The following IPO8 variants were observed in gnomAD, a reference collection of about 807,000 sequenced individuals.
IPO8 encodes importin 8, also known as importin-8.
A neutral mutation model predicts 141.2 loss-of-function variants in IPO8; 65 were observed. That is an observed-to-expected ratio of 0.46 (90% CI 0.38 to 0.57). The LOEUF (loss-of-function observed/expected upper bound fraction) is 0.57, where lower values mean the gene tolerates loss of function less well. Among genes scored for constraint, IPO8 ranks in the 20% least tolerant of loss-of-function variants. The pLI is 0.00. For synonymous variants in IPO8, 411 were observed against 420.3 expected (o/e 0.98, Z 0.27); for missense variants, 980 against 1,246.8 (o/e 0.79, Z 3.22).
At chr12:30,667,270 G>C (rs544845155) in intron 10 of IPO8, among the ~76,000 whole-genome samples, 1 of 152,228 alleles carries the variant, frequency 6.6e-6, no homozygotes, top group South Asian at 2.1e-4. Flanking sequence ...TCACCCGTTT[G>C]ACAGCTGAAA....
intron 1 of IPO8, among the ~76,000 whole-genome samples, chr12:30,693,450 T>C (rs1297277833): frequency 6.6e-6 from 1 of 152,176 alleles, no homozygotes; most frequent in Non-Finnish European, 1.5e-5. Context: ...TAAACGGCAA[T>C]TGACAGATCC....
chr12:30,649,318 T>C, intron 19 of IPO8, 86 bp from the exon 20 acceptor site: 1 of 893,206 alleles, frequency 1.1e-6, no homozygotes. Flanking sequence ...CCATATAAAT[T>C]CAGCCATAGG....
intron 1 of IPO8, among the ~76,000 whole-genome samples, chr12:30,693,733 T>C (rs2053312291): frequency 6.6e-6 from 1 of 152,228 alleles, no homozygotes; most frequent in African/African-American, 2.4e-5. Context: ...ATGCTTTATA[T>C]AAATTATAAA....
chr12:30,653,586 A>T (rs1474594355), intron 17 of IPO8, among the ~76,000 whole-genome samples: 1 of 152,082 alleles, frequency 6.6e-6, no homozygotes, highest in African/African-American at 2.4e-5. Context: ...AACTTGTAAA[A>T]CGTACAGTAT....
chr12:30,687,974 G>A (rs1368832116), intron 2 of IPO8, among the ~76,000 whole-genome samples: 3 of 151,986 alleles, frequency 2.0e-5, no homozygotes, highest in Admixed American at 6.6e-5. Flanking sequence ...GACCTCTTCA[G>A]GTCTAATACC....
At chr12:30,634,597 T>A (rs1044295200) in intron 22 of IPO8, among the ~76,000 whole-genome samples, 13 of 152,206 alleles carry the variant, frequency 8.5e-5, no homozygotes, top group African/African-American at 2.9e-4. Context: ...GCTATGCAAG[T>A]TCATTAATAC....
At chr12:30,652,093 GA>G in intron 19 of IPO8, 98 bp downstream of exon 19, 1 of 637,034 alleles carries the variant, frequency 1.6e-6, no homozygotes, top group Non-Finnish European at 2.8e-6. Flanking sequence ...AGATAATGCA[GA>G]ACTAAATGTG....
rs188305230 is a variant in IPO8 at position 30,642,788 on chromosome 12, T to C, written c.2269-3053A>G. ...AGACATCTATAAGATAAGCCTGGAA[T>C]ATCTAGTCGTACCAAGACAGCAAGG... On this transcript the variant is annotated intron_variant, in intron 20 of 24. Transcript: ENST00000256079. Among the ~76,000 whole-genome samples the C allele has an allele frequency of 2.7e-3, 405 of 152,194 alleles. 1 individual carries two copies. The highest frequency in any genetic ancestry group is 9.2e-3 in the African/African-American group (384 of 41,538).
chr12:30,657,381 AAG>A (rs1195854387), intron 16 of IPO8, among the ~76,000 whole-genome samples: 5 of 152,200 alleles, frequency 3.3e-5, no homozygotes, highest in African/African-American at 1.2e-4. Context: ...TTCACCTATT[AAG>A]ACTGGAAATG....
At position 30,652,186 on chromosome 12, in the gene IPO8, G is replaced by C; in HGVS notation, c.2172+6C>G. ...CCACTGAAACAATAGATTAGGTCAT[G>C]CTTACCTTCCTACACATTGTAAAAA... is the stretch of plus-strand genomic sequence containing the variant. On this transcript the variant is annotated splice_donor_region_variant and intron_variant, in intron 19 of 24. Transcript: ENST00000256079. The C allele has an allele frequency of 1.3e-6, 2 of 1,501,084 alleles. No homozygotes were observed. Among genetic ancestry groups the C allele is most frequent in the South Asian group, 2.3e-5 (2 of 87,752 alleles). The allele number at this position is 1,501,084 out of a possible 1,614,324, so 93.0% of individuals were successfully genotyped here.
At chr12:30,647,825 G>A (rs1293731147) in intron 20 of IPO8, among the ~76,000 whole-genome samples, 1 of 151,964 alleles carries the variant, frequency 6.6e-6, no homozygotes, top group Non-Finnish European at 1.5e-5. Context: ...ATGAGCAAAT[G>A]ATCCGATTAG....
intron 17 of IPO8, among the ~76,000 whole-genome samples, chr12:30,653,588 G>A (rs2052757308): frequency 6.6e-6 from 1 of 151,868 alleles, no homozygotes; most frequent in African/African-American, 2.4e-5. Flanking sequence ...CTTGTAAAAC[G>A]TACAGTATTC....
intron 21 of IPO8, among the ~76,000 whole-genome samples, chr12:30,638,412 G>A (rs954802823): frequency 3.3e-5 from 5 of 152,144 alleles, no homozygotes; most frequent in Admixed American, 2.6e-4. Flanking sequence ...CATTCCTAAC[G>A]CCCCACCCTA....
intron 16 of IPO8, among the ~76,000 whole-genome samples, chr12:30,658,245 G>A (rs4931358): frequency 3.3e-5 from 5 of 152,094 alleles, no homozygotes; most frequent in Non-Finnish European, 5.9e-5. Context: ...TCACAATTTT[G>A]TGTTTCATAC....
At chr12:30,690,319 TA>T (rs1157913518) in intron 2 of IPO8, among the ~76,000 whole-genome samples, 176 bp downstream of exon 2, 2 of 152,222 alleles carry the variant, frequency 1.3e-5, no homozygotes, top group East Asian at 3.8e-4. Context: ...GAGAGCTCAG[TA>T]TCTACCTCTA....
intron 20 of IPO8, among the ~76,000 whole-genome samples, chr12:30,641,425 T>C (rs2052572247): frequency 6.6e-6 from 1 of 151,928 alleles, no homozygotes; most frequent in Admixed American, 6.6e-5. Flanking sequence ...ATATACCTTG[T>C]CTTATAAATT....
In IPO8 at chr12:30,669,173, T is replaced by C. The variant is rs1193799324; in HGVS notation, c.1144+10A>G. 7.7e-7 allele frequency: 1 copy of C among 1,301,342 alleles called. No homozygotes were observed. The highest frequency in any genetic ancestry group is 1.9e-5 in the Admixed American group (1 of 51,862). 80.6% of individuals were successfully genotyped at this position (1,301,342 alleles called of 1,614,324 possible). A position where few individuals can be genotyped will look rare whatever the true frequency, so the allele number is the denominator to read the frequency against. ...CAGGAACTGATGAGAAATAAAACCATCTCAATTACCAAATTTCATCCTTAT... is the reference window on the plus strand; with the variant it reads ...CAGGAACTGATGAGAAATAAAACCACCTCAATTACCAAATTTCATCCTTAT... On this transcript the variant is annotated intron_variant, in intron 10 of 24. Transcript: ENST00000256079.
intron 20 of IPO8, among the ~76,000 whole-genome samples, chr12:30,641,293 G>A (rs1480717375): frequency 6.6e-6 from 1 of 152,134 alleles, no homozygotes; most frequent in Non-Finnish European, 1.5e-5. Context: ...AGAAGGCAAG[G>A]AGAGAATATC....
chr12:30,695,779 C>G lies in IPO8; in HGVS notation c.-132G>C. On this transcript the variant is annotated 5_prime_UTR_variant, in exon 1 of 25. Coordinates refer to ENST00000256079, the MANE Select transcript of IPO8 (RefSeq NM_006390.4). The surrounding 1 kb of genome is among the most constrained non-coding windows in gnomAD (Gnocchi z 4.2). Reference sequence around the variant, plus strand: ...ACACCCCACCCCCCGCCACCGTCGCCACCTGCGGCCACTTGCTGCGCCACT... The same window carrying G: ...ACACCCCACCCCCCGCCACCGTCGCGACCTGCGGCCACTTGCTGCGCCACT... 1.4e-6 allele frequency: 1 copy of G among 733,640 alleles called. No individual in the cohort carries two copies. The allele number at this position is 733,640 out of a possible 1,614,324, so 45.4% of individuals were successfully genotyped here.
Sources: gnomAD v4.1 joint callset for allele counts (sites outside exome capture counted in the v4.1 genomes callset) on GRCh38, gnomAD v4.1.1 for gene constraint, Gnocchi (gnomAD v3.1) non-coding constraint, MANE v1.5 for transcripts, NCBI Gene and HGNC (gene_info 2026-07-23, HGNC 2026-07-21) for gene names.